Variants in C2CD5 observed in about 807,000 individuals in gnomAD.
C2CD5 encodes the protein C2 calcium dependent domain containing 5.
A neutral mutation model predicts 130.3 loss-of-function variants in C2CD5; 109 were observed. That is an observed-to-expected ratio of 0.84 (90% CI 0.72 to 0.98). The LOEUF (loss-of-function observed/expected upper bound fraction) is 0.98. Among genes scored for constraint, C2CD5 ranks in the 50% least tolerant of loss-of-function variants. The pLI, the probability that C2CD5 is intolerant of heterozygous loss-of-function variation, is 0.00. For synonymous variants in C2CD5, 454 were observed against 429.2 expected, an observed-to-expected ratio of 1.06 and a Z score of -0.71; for missense variants, 996 against 1,261.8, an observed-to-expected ratio of 0.79 and a Z score of 3.19.
intron 9 of C2CD5, 46 bp from the exon 10 acceptor site, chr12:22,506,865 T>C: frequency 8.3e-7 from 1 of 1,210,946 alleles, no homozygotes; most frequent in Non-Finnish European, 1.2e-6. Context: ...GTGTGTAGAG[T>C]GTAAAAAATT....
At chr12:22,542,160 C>G (rs938902023) in intron 2 of C2CD5, among the ~76,000 whole-genome samples, 3 of 152,218 alleles carry the variant, frequency 2.0e-5, no homozygotes, top group Admixed American at 1.3e-4. Flanking sequence ...TCCCATCTGT[C>G]TAGTCCATCA....
chr12:22,521,299 G>C (rs531169874), intron 7 of C2CD5, among the ~76,000 whole-genome samples: 1 of 152,242 alleles, frequency 6.6e-6, no homozygotes, highest in African/African-American at 2.4e-5. Flanking sequence ...ATGCCTTTTA[G>C]AAAATCCTAA....
rs1943159308 is a variant in C2CD5 at position 22,472,269 on chromosome 12, A to T, written c.2169+17T>A. 1 of 1,417,104 alleles carries T rather than the reference A, an allele frequency of 7.1e-7. No homozygotes were observed. The highest frequency in any genetic ancestry group is 2.1e-5 in the Admixed American group (1 of 47,434). 87.8% of individuals were successfully genotyped at this position (1,417,104 alleles called of 1,614,324 possible). On this transcript the variant is annotated intron_variant, in intron 18 of 26. Coordinates refer to ENST00000446597, the MANE Select transcript of C2CD5 (RefSeq NM_001286176.2). The stretch of plus-strand genomic sequence containing the variant: ...ACTTATGTGTTATGTGCTTAAAATT[A>T]AGAAAAAAAGGTTTACCTGTATTTC...
chr12:22,454,138 T>G, intron 25 of C2CD5, 96 bp from the exon 26 acceptor site: 1 of 930,308 alleles, frequency 1.1e-6, no homozygotes, highest in Non-Finnish European at 1.6e-6. Context: ...TAAAACATCC[T>G]AAATTATCTT....
chr12:22,511,213 G>C (rs1327102734), intron 9 of C2CD5, among the ~76,000 whole-genome samples: 3 of 150,094 alleles, frequency 2.0e-5, no homozygotes, highest in African/African-American at 4.9e-5. Context: ...ATTAAGGGTG[G>C]TTTACCAAAG....
intron 22 of C2CD5, among the ~76,000 whole-genome samples, chr12:22,461,348 G>A (rs146930970): frequency 9.9e-5 from 15 of 152,212 alleles, no homozygotes; most frequent in Non-Finnish European, 1.8e-4. Context: ...AAGAGGAACG[G>A]CTTAAAAATT....
intron 22 of C2CD5, among the ~76,000 whole-genome samples, chr12:22,469,099 C>A (rs1011155071): frequency 6.6e-6 from 1 of 152,014 alleles, no homozygotes; most frequent in African/African-American, 2.4e-5. Context: ...ACAATACCTC[C>A]CACTTTTCCC....
intron 7 of C2CD5, among the ~76,000 whole-genome samples, chr12:22,522,535 TC>T: frequency 6.6e-6 from 1 of 152,270 alleles, no homozygotes. Flanking sequence ...AGAATAGGGA[TC>T]AGCAAACTCC....
At chr12:22,459,456 C>A (rs1940657640) in intron 23 of C2CD5, 36 bp downstream of exon 23, 2 of 1,396,604 alleles carry the variant, frequency 1.4e-6, no homozygotes, top group Non-Finnish European at 9.8e-7. Context: ...GAATTTTACA[C>A]CTTTGGTGAC....
intron 10 of C2CD5, among the ~76,000 whole-genome samples, chr12:22,502,189 G>T (rs936404658): frequency 1.3e-5 from 2 of 152,018 alleles, no homozygotes; most frequent in Admixed American, 1.3e-4. Flanking sequence ...GGAAAGGGAA[G>T]GAGGAAAGTT....
Position 22,544,152 on chromosome 12 carries a change from G to A in C2CD5, c.-2C>T. 10 of 1,613,978 alleles carry A rather than the reference G, an allele frequency of 6.2e-6. No individual in the cohort carries two copies. Among genetic ancestry groups the A allele is most frequent in the Non-Finnish European group, 8.5e-6 (10 of 1,179,882 alleles). The stretch of plus-strand genomic sequence containing the variant: ...TTTCACCTTCAGCTTCCCTGGCATG[G>A]TCTCGGTTTCGGCCTCTTCTTGGGC... On this transcript the variant is annotated 5_prime_UTR_variant, in exon 2 of 27. Transcript: ENST00000446597.
chr12:22,475,956 A>G (rs1383558258), intron 15 of C2CD5, among the ~76,000 whole-genome samples: 1 of 152,060 alleles, frequency 6.6e-6, no homozygotes, highest in African/African-American at 2.4e-5. Context: ...TAGATACCAC[A>G]CTACTTTTTA....
At chr12:22,502,937 T>C in intron 10 of C2CD5, 1 of 586,096 alleles carries the variant, frequency 1.7e-6, no homozygotes, top group Non-Finnish European at 3.0e-6. Flanking sequence ...GACAGCAGAG[T>C]TAATAAGAAG....
Position 22,472,302 on chromosome 12 carries a change from C to G in C2CD5, c.2153G>C (p.Trp718Ser), listed in dbSNP as rs766527258. 95 of 1,514,346 alleles carry G rather than the reference C, an allele frequency of 6.3e-5. No homozygotes were observed. Among genetic ancestry groups the G allele is most frequent in the Non-Finnish European group, 7.2e-6 (8 of 1,105,888 alleles). 93.8% of individuals were successfully genotyped at this position (1,514,346 alleles called of 1,614,324 possible). A position where few individuals can be genotyped will look rare whatever the true frequency, so the allele number is the denominator to read the frequency against. ...AAGGTTTACCTGTATTTCAGAGGTC[C>G]AATTATTTATACCGGGCATAATTTC... ...NTEIMPGINNWTSEIQMFTSV... is the reference protein window; with the variant it reads ...NTEIMPGINNSTSEIQMFTSV... Residue 718 changes from tryptophan (W) to serine (S), a missense_variant, in exon 18 of 27, where the codon TGG becomes TCG. Around this residue, in one of 9 missense-constraint regions of C2CD5, gnomAD observed 590 missense variants for 631.4 expected, o/e 0.93. Coordinates refer to ENST00000446597, the MANE Select transcript of C2CD5 (RefSeq NM_001286176.2).
intron 9 of C2CD5, among the ~76,000 whole-genome samples, chr12:22,512,870 A>G (rs1004356531): frequency 3.3e-5 from 5 of 152,040 alleles, no homozygotes; most frequent in African/African-American, 1.2e-4. Flanking sequence ...TACATTTCTT[A>G]TTCCTAAGAG....
chr12:22,459,908 G>A (rs1236565058), intron 22 of C2CD5, among the ~76,000 whole-genome samples: 1 of 152,198 alleles, frequency 6.6e-6, no homozygotes, highest in Non-Finnish European at 1.5e-5. Context: ...TATCTGAAAT[G>A]AAACATGGAA....
chr12:22,492,283 G>C (rs1379049886), intron 11 of C2CD5, among the ~76,000 whole-genome samples: 1 of 152,040 alleles, frequency 6.6e-6, no homozygotes, highest in African/African-American at 2.4e-5. Context: ...CTGAAAGTAG[G>C]GTTCAAGGAT....
At chr12:22,488,960 C>G (rs1591814370) in intron 12 of C2CD5, among the ~76,000 whole-genome samples, 1 of 151,746 alleles carries the variant, frequency 6.6e-6, no homozygotes, top group Admixed American at 6.6e-5. Context: ...CAACCTCCAC[C>G]TCCCAGGCTC....
chr12:22,514,965 C>T (rs923361390), intron 8 of C2CD5: 2 of 984,872 alleles, frequency 2.0e-6, no homozygotes, highest in African/African-American at 3.5e-5. Flanking sequence ...CTACCAGAAG[C>T]AGCCAGGAAC....
Sources: allele counts gnomAD v4.1 joint callset (sites outside exome capture counted in the v4.1 genomes callset), GRCh38; gene constraint gnomAD v4.1.1; regional missense constraint gnomAD v4.1.1; transcripts MANE v1.5; gene names NCBI Gene and HGNC (gene_info 2026-07-23, HGNC 2026-07-21).